The following PCDHB11 variants were observed in gnomAD, a reference collection of about 807,000 sequenced individuals.
PCDHB11 encodes the protein protocadherin beta 11.
For missense variants in PCDHB11, 1,151 were observed against 1,003.4 expected (o/e 1.15, Z -1.99); for synonymous variants, 522 against 442.0 (o/e 1.18, Z -2.27).
At position 141,203,003 on chromosome 5, in the gene PCDHB11, G is replaced by C. The variant is rs981616855; in HGVS notation, c.*835G>C. Reference sequence around the variant, plus strand: ...ATCCATTTCTAATGAATAATTTTAAGGTTTTAATCCTTTCCAAGTGTACAA... The same window carrying C: ...ATCCATTTCTAATGAATAATTTTAACGTTTTAATCCTTTCCAAGTGTACAA... On this transcript the variant is annotated 3_prime_UTR_variant, in exon 1 of 1. Transcript: ENST00000354757. 6.6e-6 allele frequency: 1 copy of C among 152,004 alleles called. No homozygotes were observed. The highest frequency in any genetic ancestry group is 1.5e-5 in the Non-Finnish European group (1 of 68,002). 9.4% of individuals were successfully genotyped at this position (152,004 alleles called of 1,614,324 possible).
At position 141,200,017 on chromosome 5, in the gene PCDHB11, T is replaced by C; in HGVS notation, c.243T>C (p.Thr81=). ...KKQRLQLDIN[T]GDLLLSETLD... Reference sequence around the variant, plus strand: ...AGCGTTTGCAGCTGGACATAAACACTGGGGATTTGCTCTTAAGTGAAACAC... The same window carrying C: ...AGCGTTTGCAGCTGGACATAAACACCGGGGATTTGCTCTTAAGTGAAACAC... Residue 81 remains threonine (T), a synonymous_variant, in exon 1 of 1, where the codon ACT becomes ACC. Coordinates refer to ENST00000354757, the MANE Select transcript of PCDHB11 (RefSeq NM_018931.3). 2 of 1,614,120 alleles carry C rather than the reference T, an allele frequency of 1.2e-6. No homozygotes were observed. Among genetic ancestry groups the C allele is most frequent in the Non-Finnish European group, 1.7e-6 (2 of 1,180,032 alleles).
At position 141,201,182 on chromosome 5, in the gene PCDHB11, A is replaced by G. The variant is rs147936772; in HGVS notation, c.1408A>G (p.Ile470Val). ...VRENNSPALH[I>V]GSVSATDRDS... ...CGAGAACAACAGCCCCGCCCTGCAC[A>G]TCGGCAGTGTCAGCGCTACAGACAG... Residue 470 changes from isoleucine (I) to valine (V), a missense_variant, in exon 1 of 1, where the codon ATC becomes GTC. By Grantham distance (29) the Ile-to-Val change is conservative. Transcript: ENST00000354757. 17 of 1,613,284 alleles carry G rather than the reference A, an allele frequency of 1.1e-5. No individual in the cohort carries two copies. In the African/African-American group the frequency reaches 1.9e-4, roughly 18 times the overall value.
rs1554285364 is a variant in PCDHB11, at chr5:141,200,677, T to TA, written c.904dup (p.Thr302AsnfsTer9). ...AAATTAATCAAAAGTCTGGAGAAAT[T>TA]ACTTTAAGAGCACCTCTGGATTTTG... On this transcript the variant is annotated frameshift_variant, in exon 1 of 1. Coordinates refer to ENST00000354757, the MANE Select transcript of PCDHB11 (RefSeq NM_018931.3). LOFTEE classifies it low-confidence loss of function (END_TRUNC). 4.3e-6 allele frequency: 7 copies of TA among 1,614,076 alleles called. No homozygotes were observed. The highest frequency in any genetic ancestry group is 5.9e-6 in the Non-Finnish European group (7 of 1,180,028).
At position 141,201,641 on chromosome 5, in the gene PCDHB11, G is replaced by T. The variant is rs782734792; in HGVS notation, c.1867G>T (p.Glu623Ter). The T allele has an allele frequency of 4.4e-6, 7 of 1,606,680 alleles. No homozygotes were observed. The highest frequency in any genetic ancestry group is 1.7e-5 in the Admixed American group (1 of 59,928). ...GLFGVWAHNGEVRTARLLSER... is the reference protein window; with the variant it reads ...GLFGVWAHNG ...ATTCGGCGTGTGGGCGCACAATGGCGAGGTGCGCACCGCCAGGCTGCTGAG... is the reference window on the plus strand; with the variant it reads ...ATTCGGCGTGTGGGCGCACAATGGCTAGGTGCGCACCGCCAGGCTGCTGAG... Residue 623 changes from glutamate (E) to a stop codon, truncating the protein, a stop_gained, in exon 1 of 1, where the codon GAG becomes TAG. Transcript: ENST00000354757. LOFTEE classifies it low-confidence loss of function (END_TRUNC).
rs1554285804 is a variant in PCDHB11 at position 141,202,043 on chromosome 5, G to A, written c.2269G>A (p.Gly757Arg). Residue 757 changes from glycine to arginine, a missense_variant, in exon 1 of 1, where the codon GGA becomes AGA. By Grantham distance (125) the Gly-to-Arg change is moderately radical. Transcript: ENST00000354757. Reference protein sequence around the residue: ...QSYQYEVCLTGGSETNEFKFL... With the variant: ...QSYQYEVCLTRGSETNEFKFL... ...CTACCAGTACGAGGTGTGTCTGACGGGAGGTTCCGAGACAAATGAATTCAA... is the reference window on the plus strand; with the variant it reads ...CTACCAGTACGAGGTGTGTCTGACGAGAGGTTCCGAGACAAATGAATTCAA... 5 of 1,614,186 alleles carry A rather than the reference G, an allele frequency of 3.1e-6. No individual in the cohort carries two copies. The highest frequency in any genetic ancestry group is 3.4e-6 in the Non-Finnish European group (4 of 1,180,024).
At position 141,201,076 on chromosome 5, in the gene PCDHB11, G is replaced by T; in HGVS notation, c.1302G>T (p.Glu434Asp). 3.7e-6 allele frequency: 6 copies of T among 1,614,184 alleles called. No homozygotes were observed. The highest frequency in any genetic ancestry group is 5.1e-6 in the Non-Finnish European group (6 of 1,180,032). The change falls in exon 1 of 1, where the codon GAG becomes GAT. Residue 434 changes from glutamate to aspartate, a missense_variant. Coordinates refer to ENST00000354757, the MANE Select transcript of PCDHB11 (RefSeq NM_018931.3). ...TDLGIPRLKT[E>D]HNTTVLVSDV... Reference sequence around the variant, plus strand: ...TGGGGATACCCAGGCTGAAAACCGAGCACAACACAACTGTGTTGGTCTCTG... The same window carrying T: ...TGGGGATACCCAGGCTGAAAACCGATCACAACACAACTGTGTTGGTCTCTG...
rs782539074 is a variant in PCDHB11, at chr5:141,201,927, G to A, written c.2153G>A (p.Arg718Lys). Residue 718 changes from arginine (R) to lysine (K), a missense_variant, in exon 1 of 1, where the codon AGG becomes AAG. Transcript: ENST00000354757. ...FVAVRLCRRS[R>K]AASVGSCSVP... ...GCGGTGCGGCTGTGCAGGAGGAGCA[G>A]GGCGGCCTCGGTGGGAAGCTGCTCG... 2.9e-5 allele frequency: 47 copies of A among 1,613,150 alleles called. 1 individual carries two copies. In the South Asian group the frequency reaches 5.1e-4, roughly 17 times the overall value.
rs1369168374 is a variant in PCDHB11, at chr5:141,201,608, C to A, written c.1834C>A (p.Pro612Thr). The A allele has an allele frequency of 6.2e-7, 1 of 1,608,106 alleles. No individual in the cohort carries two copies. The highest frequency in any genetic ancestry group is 8.5e-7 in the Non-Finnish European group (1 of 1,179,326). ...LSYQLLKATEPGLFGVWAHNG... is the reference protein window; with the variant it reads ...LSYQLLKATETGLFGVWAHNG... Reference sequence around the variant, plus strand: ...GTACCAGCTGCTCAAGGCCACGGAGCCCGGGCTATTCGGCGTGTGGGCGCA... The same window carrying A: ...GTACCAGCTGCTCAAGGCCACGGAGACCGGGCTATTCGGCGTGTGGGCGCA... The change falls in exon 1 of 1, where the codon CCC becomes ACC. Residue 612 changes from proline (P) to threonine (T), a missense_variant. By Grantham distance (38) the Pro-to-Thr change is conservative. Transcript: ENST00000354757.
Position 141,200,356 on chromosome 5 carries a change from A to C in PCDHB11, c.582A>C (p.Leu194Phe), listed in dbSNP as rs115539348. 54 of 1,614,192 alleles carry C rather than the reference A, an allele frequency of 3.3e-5. No individual in the cohort carries two copies. In the African/African-American group the frequency reaches 6.8e-4, roughly 20 times the overall value. ...VIPDNRKYPE[L>F]VLDKALDYEE... ...CAGACAATAGGAAATACCCCGAGTT[A>C]GTTCTGGACAAGGCGCTGGATTATG... The change falls in exon 1 of 1, where the codon TTA becomes TTC. Residue 194 changes from leucine to phenylalanine, a missense_variant. Transcript: ENST00000354757.
chr5:141,203,773 T>TA lies in PCDHB11; in HGVS notation c.*1609dup, dbSNP rs1238908955. ...ACTGCATGAAAATAAATAGGAATAT[T>TA]AAAACATTTTGATAATTTTGGGATG... On this transcript the variant is annotated 3_prime_UTR_variant, in exon 1 of 1. Coordinates refer to ENST00000354757, the MANE Select transcript of PCDHB11 (RefSeq NM_018931.3). 6.6e-6 allele frequency: 1 copy of TA among 152,164 alleles called. No individual in the cohort carries two copies. The highest frequency in any genetic ancestry group is 1.5e-5 in the Non-Finnish European group (1 of 68,020). 9.4% of individuals were successfully genotyped at this position (152,164 alleles called of 1,614,324 possible). A position where few individuals can be genotyped will look rare whatever the true frequency, so the allele number is the denominator to read the frequency against.
At position 141,201,645 on chromosome 5, in the gene PCDHB11, T is replaced by G. The variant is rs1242714287; in HGVS notation, c.1871T>G (p.Val624Gly). 4.4e-6 allele frequency: 7 copies of G among 1,606,500 alleles called. No homozygotes were observed. Among genetic ancestry groups the G allele is most frequent in the African/African-American group, 4.0e-5 (3 of 74,772 alleles). Residue 624 changes from valine to glycine, a missense_variant, in exon 1 of 1, where the codon GTG (valine) becomes GGG (glycine). Coordinates refer to ENST00000354757, the MANE Select transcript of PCDHB11 (RefSeq NM_018931.3). The part of the protein sequence containing the change: ...LFGVWAHNGE[V>G]RTARLLSERD... ...GGCGTGTGGGCGCACAATGGCGAGG[T>G]GCGCACCGCCAGGCTGCTGAGCGAG... is the stretch of plus-strand genomic sequence containing the variant.
Position 141,201,654 on chromosome 5 carries a change from C to T in PCDHB11, c.1880C>T (p.Ala627Val). ...GCGCACAATGGCGAGGTGCGCACCGCCAGGCTGCTGAGCGAGCGCGACGCG... is the reference window on the plus strand; with the variant it reads ...GCGCACAATGGCGAGGTGCGCACCGTCAGGCTGCTGAGCGAGCGCGACGCG... ...VWAHNGEVRT[A>V]RLLSERDAAK... is the part of the protein sequence containing the mutation. Residue 627 changes from alanine to valine, a missense_variant, in exon 1 of 1, where the codon GCC (alanine) becomes GTC (valine). By Grantham distance (64) the Ala-to-Val change is moderately conservative (BLOSUM62 0). Coordinates refer to ENST00000354757, the MANE Select transcript of PCDHB11 (RefSeq NM_018931.3). The T allele has an allele frequency of 6.2e-7, 1 of 1,605,954 alleles. No individual in the cohort carries two copies. The highest frequency in any genetic ancestry group is 8.5e-7 in the Non-Finnish European group (1 of 1,179,210).
rs782500133 is a variant in PCDHB11, at chr5:141,199,958, CG to C, written c.190del (p.Ala64LeufsTer16). 3 of 1,614,068 alleles carry C rather than the reference CG, an allele frequency of 1.9e-6. No individual in the cohort carries two copies. Among genetic ancestry groups the C allele is most frequent in the South Asian group, 1.1e-5 (1 of 91,068 alleles). On this transcript the variant is annotated frameshift_variant, in exon 1 of 1. Coordinates refer to ENST00000354757, the MANE Select transcript of PCDHB11 (RefSeq NM_018931.3). LOFTEE classifies it low-confidence loss of function (END_TRUNC). The part of the protein sequence containing the change: ...LGLKVRELSS[R>X]GARVVSNDKK... ...GCTGAAGGTGAGAGAACTGTCCTCA[CG>C]GGGGGCTCGGGTGGTCTCTAATGAT...
rs1308916952 is a variant in PCDHB11 at position 141,200,191 on chromosome 5, C to A, written c.417C>A (p.Leu139=). Residue 139 remains leucine, a synonymous_variant, in exon 1 of 1, where the codon CTC becomes CTA. Transcript: ENST00000354757. ...HSPIFSEKQM[L]LEIPENSPVG... ...CCATCTTCTCGGAAAAACAAATGCTCCTAGAAATCCCAGAGAACAGTCCCG... is the reference window on the plus strand; with the variant it reads ...CCATCTTCTCGGAAAAACAAATGCTACTAGAAATCCCAGAGAACAGTCCCG... The A allele has an allele frequency of 4.3e-6, 7 of 1,613,986 alleles. No individual in the cohort carries two copies. Among genetic ancestry groups the A allele is most frequent in the Non-Finnish European group, 5.9e-6 (7 of 1,180,044 alleles).
chr5:141,201,087 C>G lies in PCDHB11; in HGVS notation c.1313C>G (p.Thr438Ser). Reference sequence around the variant, plus strand: ...AGGCTGAAAACCGAGCACAACACAACTGTGTTGGTCTCTGACGTCAATGAC... The same window carrying G: ...AGGCTGAAAACCGAGCACAACACAAGTGTGTTGGTCTCTGACGTCAATGAC... Reference protein sequence around the residue: ...IPRLKTEHNTTVLVSDVNDNA... With the variant: ...IPRLKTEHNTSVLVSDVNDNA... Residue 438 changes from threonine to serine, a missense_variant, in exon 1 of 1, where the codon ACT becomes AGT. Physicochemically the swap from Thr to Ser is moderately conservative, Grantham distance 58. Transcript: ENST00000354757. 1 of 1,614,212 alleles carries G rather than the reference C, an allele frequency of 6.2e-7. No homozygotes were observed. Among genetic ancestry groups the G allele is most frequent in the Non-Finnish European group, 8.5e-7 (1 of 1,180,038 alleles).
chr5:141,202,184 C>G lies in PCDHB11; in HGVS notation c.*16C>G. The G allele has an allele frequency of 6.4e-7, 1 of 1,571,310 alleles. No individual in the cohort carries two copies. The highest frequency in any genetic ancestry group is 8.6e-7 in the Non-Finnish European group (1 of 1,157,744). On this transcript the variant is annotated 3_prime_UTR_variant, in exon 1 of 1. Transcript: ENST00000354757. ...TAATTTTTAGTAAGAATGCTATTTA[C>G]ATTTGCATGTACTTTTTTAGTTTTA...
Position 141,200,639 on chromosome 5 carries a change from C to T in PCDHB11, c.865C>T (p.Arg289Cys), listed in dbSNP as rs201480806. ...CTTTTCCCATGCCTCAGAAGATATT[C>T]GCAAGACATTTGAAATTAATCAAAA... is the stretch of plus-strand genomic sequence containing the variant. ...YTFSHASEDI[R>C]KTFEINQKSG... is the part of the protein sequence containing the mutation. Residue 289 changes from arginine to cysteine, a missense_variant, in exon 1 of 1, where the codon CGC (arginine) becomes TGC (cysteine). By Grantham distance (180) the Arg-to-Cys change is radical. Coordinates refer to ENST00000354757, the MANE Select transcript of PCDHB11 (RefSeq NM_018931.3). 5.0e-6 allele frequency: 8 copies of T among 1,614,120 alleles called. No homozygotes were observed. The highest frequency in any genetic ancestry group is 6.8e-6 in the Non-Finnish European group (8 of 1,180,040).
In PCDHB11 at chr5:141,199,912, CA is replaced by C. The variant is rs1754121871; in HGVS notation, c.140del (p.Asn47IlefsTer8). The stretch of plus-strand genomic sequence containing the variant: ...AAATGCAGAGCGGGAGTTTTGTAGG[CA>C]ATCTGGCAAAGGACCTGGGGCTGAA... The part of the protein sequence containing the change: ...EEMQSGSFVG[N>X]LAKDLGLKVR... On this transcript the variant is annotated frameshift_variant, in exon 1 of 1. Coordinates refer to ENST00000354757, the MANE Select transcript of PCDHB11 (RefSeq NM_018931.3). LOFTEE classifies it low-confidence loss of function (END_TRUNC). The C allele has an allele frequency of 6.2e-7, 1 of 1,614,014 alleles. No homozygotes were observed. The highest frequency in any genetic ancestry group is 8.5e-7 in the Non-Finnish European group (1 of 1,180,048).
chr5:141,199,859 G>A lies in PCDHB11; in HGVS notation c.85G>A (p.Glu29Lys), dbSNP rs1754120422. 1.9e-6 allele frequency: 3 copies of A among 1,614,196 alleles called. No homozygotes were observed. The highest frequency in any genetic ancestry group is 2.5e-6 in the Non-Finnish European group (3 of 1,180,036). The part of the protein sequence containing the change: ...VLLGMSQAGS[E>K]TWSFSVAEEM... ...GCTCGGAATGTCTCAGGCGGGCTCT[G>A]AAACCTGGAGCTTTTCTGTGGCAGA... The change falls in exon 1 of 1, where the codon GAA (glutamate) becomes AAA (lysine). Residue 29 changes from glutamate to lysine, a missense_variant. Coordinates refer to ENST00000354757, the MANE Select transcript of PCDHB11 (RefSeq NM_018931.3).
Sources: gnomAD v4.1 joint callset for allele counts on GRCh38, gnomAD v4.1.1 for gene constraint, MANE v1.5 for transcripts, NCBI Gene and HGNC (gene_info 2026-07-23, HGNC 2026-07-21) for gene names.